Variants in CDK19 observed in about 807,000 individuals in gnomAD.
CDK19 encodes the protein cyclin dependent kinase 19, also known as cyclin-dependent kinase 19.
In CDK19, 20 loss-of-function variants were observed where a neutral mutation model predicts 68.3. That is an observed-to-expected ratio of 0.29 (90% CI 0.21 to 0.43). The LOEUF (loss-of-function observed/expected upper bound fraction) is 0.43, where lower values mean the gene tolerates loss of function less well. Among genes scored for constraint, CDK19 ranks in the 20% least tolerant of loss-of-function variants. The pLI is 1.00. For synonymous variants in CDK19, 221 were observed against 222.8 expected (o/e 0.99, Z 0.07); for missense variants, 339 against 623.5 (o/e 0.54, Z 4.86).
Position 110,622,076 on chromosome 6 carries a change from T to C in CDK19, c.1110+12A>G. 6.4e-7 allele frequency: 1 copy of C among 1,562,648 alleles called. No homozygotes were observed. The highest frequency in any genetic ancestry group is 8.8e-7 in the Non-Finnish European group (1 of 1,138,216). ...GCTCTTTGGAAGTGAAAGTATACCGTGCAGTTTATACCTTGTCACCTTTTT... is the reference window on the plus strand; with the variant it reads ...GCTCTTTGGAAGTGAAAGTATACCGCGCAGTTTATACCTTGTCACCTTTTT... On this transcript the variant is annotated intron_variant, in intron 11 of 12. Transcript: ENST00000368911.
intron 2 of CDK19, among the ~76,000 whole-genome samples, chr6:110,744,109 C>A (rs144553469): frequency 6.9e-6 from 1 of 144,552 alleles, no homozygotes; most frequent in Non-Finnish European, 1.5e-5. Flanking sequence ...TAGGTTCAAG[C>A]AATTCTCCTG....
At chr6:110,696,702 A>C (rs1462456977) in intron 2 of CDK19, among the ~76,000 whole-genome samples, 1 of 152,036 alleles carries the variant, frequency 6.6e-6, no homozygotes, top group Non-Finnish European at 1.5e-5. Context: ...CAGGCGGATC[A>C]CCTGAGGCCA....
intron 5 of CDK19, among the ~76,000 whole-genome samples, chr6:110,636,404 AG>A (rs1470676397): frequency 6.6e-6 from 1 of 152,252 alleles, no homozygotes. Context: ...TTGAAACAAT[AG>A]GTTAGTAGAA....
intron 2 of CDK19, among the ~76,000 whole-genome samples, chr6:110,710,242 CT>C (rs1774843216): frequency 6.6e-6 from 1 of 152,198 alleles, no homozygotes; most frequent in African/African-American, 2.4e-5. Flanking sequence ...TCACTTCATG[CT>C]TTGTCGAAGT....
intron 2 of CDK19, among the ~76,000 whole-genome samples, chr6:110,704,909 G>A (rs1460938006): frequency 6.6e-6 from 1 of 152,106 alleles, no homozygotes; most frequent in Middle Eastern, 3.2e-3. Flanking sequence ...AAGAGGGCAA[G>A]AAAGAGTGAA....
At chr6:110,623,447 C>A in intron 8 of CDK19, 85 bp from the exon 9 acceptor site, 1 of 1,547,884 alleles carries the variant, frequency 6.5e-7, no homozygotes, top group South Asian at 1.2e-5. Flanking sequence ...ATTGGCTTTC[C>A]TATAAGGTAT....
At chr6:110,658,734 T>C (rs1341894897) in intron 4 of CDK19, among the ~76,000 whole-genome samples, 1 of 152,172 alleles carries the variant, frequency 6.6e-6, no homozygotes, top group African/African-American at 2.4e-5. Context: ...AGGAGGCATA[T>C]TTCACATATT....
intron 1 of CDK19, among the ~76,000 whole-genome samples, chr6:110,804,149 CAA>C (rs1204060121): frequency 1.3e-5 from 2 of 152,190 alleles, no homozygotes; most frequent in South Asian, 4.1e-4. Flanking sequence ...CAGAACAAAA[CAA>C]AGTTAACTGG....
intron 2 of CDK19, among the ~76,000 whole-genome samples, chr6:110,733,638 GGTATA>G (rs1189454541): frequency 6.6e-6 from 1 of 151,594 alleles, no homozygotes; most frequent in African/African-American, 2.4e-5. Flanking sequence ...TTCTGGTGGA[GGTATA>G]GTATATTTTT....
chr6:110,792,613 G>A (rs1019566259), intron 1 of CDK19, among the ~76,000 whole-genome samples: 1 of 152,110 alleles, frequency 6.6e-6, no homozygotes, highest in Admixed American at 6.6e-5. Context: ...TTGCCATGTT[G>A]CCAGGCTGGT....
At chr6:110,690,673 A>AT in intron 2 of CDK19, among the ~76,000 whole-genome samples, 1 of 152,278 alleles carries the variant, frequency 6.6e-6, no homozygotes, top group Non-Finnish European at 1.5e-5. Context: ...TTCCAACCCT[A>AT]TAGGAGACAA....
chr6:110,617,662 T>TATATATACACACACAC (rs755618032), intron 12 of CDK19, among the ~76,000 whole-genome samples: 16 of 107,158 alleles, frequency 1.5e-4, no homozygotes, highest in African/African-American at 5.0e-4. Context: ...TATATATATA[T>TATATATACACACACAC]ACACACACAC....
intron 10 of CDK19, 47 bp downstream of exon 10, chr6:110,622,768 G>A (rs781239507): frequency 8.3e-7 from 1 of 1,200,824 alleles, no homozygotes; most frequent in Middle Eastern, 1.9e-4. Flanking sequence ...CCACCATGCA[G>A]CCTCCTCAGC....
intron 1 of CDK19, among the ~76,000 whole-genome samples, chr6:110,812,791 T>C (rs924949689): frequency 2.1e-5 from 3 of 139,930 alleles, no homozygotes; most frequent in Non-Finnish European, 4.6e-5. Flanking sequence ...ACTATGCAAA[T>C]CTGCCCACTG....
At chr6:110,768,752 G>A (rs1481622431) in intron 1 of CDK19, among the ~76,000 whole-genome samples, 2 of 152,154 alleles carry the variant, frequency 1.3e-5, no homozygotes, top group East Asian at 3.8e-4. Context: ...GTGTAGCACA[G>A]GTGATGTTTA....
chr6:110,788,487 C>A (rs1781389772), intron 1 of CDK19, among the ~76,000 whole-genome samples: 1 of 152,136 alleles, frequency 6.6e-6, no homozygotes, highest in African/African-American at 2.4e-5. Context: ...CCATCTCTTT[C>A]CAAAATTATC....
Position 110,815,241 on chromosome 6 carries a change from T to G in CDK19, c.-105A>C, listed in dbSNP as rs55714648. On this transcript the variant is annotated 5_prime_UTR_variant, in exon 1 of 13. Coordinates refer to ENST00000368911, the MANE Select transcript of CDK19 (RefSeq NM_015076.5). ...GCTCCACTTCTCCAACAGCCGCCTC[T>G]CGCGCGCGCGCGCGCGCCGCCCGCC... 10,822 of 1,130,232 alleles carry G rather than the reference T, an allele frequency of 9.6e-3. 169 individuals carry two copies. Among genetic ancestry groups the G allele is most frequent in the African/African-American group, 0.071 (4,088 of 57,636 alleles). 70.0% of individuals were successfully genotyped at this position (1,130,232 alleles called of 1,614,324 possible).
intron 1 of CDK19, among the ~76,000 whole-genome samples, chr6:110,794,331 G>A (rs1270079128): frequency 6.6e-6 from 1 of 151,462 alleles, no homozygotes; most frequent in African/African-American, 2.4e-5. Flanking sequence ...ACCTGTGAGC[G>A]ACCGCGCCTG....
rs189390695 is a variant in CDK19, at chr6:110,654,419, A to G, written c.456+13015T>C. Among the ~76,000 whole-genome samples, 33 of 152,362 alleles carry G rather than the reference A, an allele frequency of 2.2e-4. 1 individual carries two copies. The East Asian group carries it at 6.0e-3, about 28-fold the overall frequency. On this transcript the variant is annotated intron_variant, in intron 4 of 12. Coordinates refer to ENST00000368911, the MANE Select transcript of CDK19 (RefSeq NM_015076.5). ...TTGATTAGATAGTAGATGATTTAAA[A>G]TATGGAGAATCTGATCATTGTGGTT...
Sources: allele counts gnomAD v4.1 joint callset (sites outside exome capture counted in the v4.1 genomes callset), GRCh38; gene constraint gnomAD v4.1.1; transcripts MANE v1.5; gene names NCBI Gene and HGNC (gene_info 2026-07-23, HGNC 2026-07-21).